Variants in KIAA0825 observed in about 807,000 individuals in gnomAD.
KIAA0825 encodes the protein KIAA0825.
A neutral mutation model predicts 147.6 loss-of-function variants in KIAA0825; 119 were observed. The observed-to-expected ratio is 0.81, with a 90% CI of 0.69 to 0.94. The LOEUF (loss-of-function observed/expected upper bound fraction) is 0.94. KIAA0825 is among the 40% of genes least tolerant of loss of function. The probability of loss-of-function intolerance (pLI) is 0.00; values close to 1 mark genes in which losing one functional copy is unlikely to be tolerated. For synonymous variants in KIAA0825, 470 were observed against 518.1 expected (o/e 0.91, Z 1.26); for missense variants, 1,381 against 1,472.7 (o/e 0.94, Z 1.02).
intron 1 of KIAA0825, among the ~76,000 whole-genome samples, chr5:94,599,481 G>T (rs1785954651): frequency 1.3e-5 from 2 of 151,012 alleles, no homozygotes; most frequent in South Asian, 4.2e-4. Context: ...ATTATACTTG[G>T]ACTCTTTCCT....
intron 6 of KIAA0825, among the ~76,000 whole-genome samples, chr5:94,479,380 T>C (rs984823199): frequency 3.9e-5 from 6 of 152,172 alleles, no homozygotes; most frequent in Admixed American, 3.9e-4. Context: ...TTCTTTCGCT[T>C]AGTGATATGC....
chr5:94,395,205 G>A (rs528808008), intron 17 of KIAA0825, among the ~76,000 whole-genome samples: 6 of 152,156 alleles, frequency 3.9e-5, no homozygotes, highest in African/African-American at 1.4e-4. Context: ...ATTTGTACTC[G>A]CCCATCTGAC....
intron 20 of KIAA0825, among the ~76,000 whole-genome samples, chr5:94,354,784 C>G (rs1346756947): frequency 6.6e-6 from 1 of 152,140 alleles, no homozygotes; most frequent in East Asian, 1.9e-4. Flanking sequence ...AACTGTCTTA[C>G]AGTGTATAAA....
intron 3 of KIAA0825, among the ~76,000 whole-genome samples, chr5:94,534,259 C>A (rs904621148): frequency 6.6e-6 from 1 of 152,106 alleles, no homozygotes; most frequent in Non-Finnish European, 1.5e-5. Context: ...TCATGACATA[C>A]AATTTTCTAA....
At chr5:94,315,487 C>T (rs1260967356) in intron 20 of KIAA0825, among the ~76,000 whole-genome samples, 3 of 151,200 alleles carry the variant, frequency 2.0e-5, no homozygotes, top group African/African-American at 7.3e-5. Flanking sequence ...TAAAAAATGC[C>T]CATAGCCATT....
intron 1 of KIAA0825, among the ~76,000 whole-genome samples, chr5:94,614,170 C>T (rs1192226054): frequency 6.6e-6 from 1 of 152,036 alleles, no homozygotes; most frequent in East Asian, 1.9e-4. Flanking sequence ...CATGGTATAG[C>T]ACATTGAAAA....
chr5:94,455,707 G>A (rs1209273508), intron 12 of KIAA0825, among the ~76,000 whole-genome samples: 1 of 152,102 alleles, frequency 6.6e-6, no homozygotes, highest in Non-Finnish European at 1.5e-5. Context: ...GAGGTGAGTG[G>A]AGAGAAGAAT....
At position 94,484,846 on chromosome 5, in the gene KIAA0825, A is replaced by G. The variant is rs944896452; in HGVS notation, c.1055T>C (p.Phe352Ser). The G allele has an allele frequency of 6.5e-7, 1 of 1,537,472 alleles. No homozygotes were observed. Among genetic ancestry groups the G allele is most frequent in the African/African-American group, 1.4e-5 (1 of 72,832 alleles). Residue 352 changes from phenylalanine to serine, a missense_variant, in exon 6 of 21, where the codon TTT (phenylalanine) becomes TCT (serine). Transcript: ENST00000682413. The stretch of plus-strand genomic sequence containing the variant: ...TTGAACACCTTTTTCCAGTTTCATA[A>G]AGGATTTTATGAGCTGCGATAAGAA... ...VEFLSQLIKS[F>S]MKLEKGVQEL...
intron 20 of KIAA0825, among the ~76,000 whole-genome samples, chr5:94,263,355 C>G (rs779274628): frequency 6.6e-6 from 1 of 152,130 alleles, no homozygotes; most frequent in Non-Finnish European, 1.5e-5. Flanking sequence ...ACCTAGGCCT[C>G]GTTATTTCCT....
intron 20 of KIAA0825, among the ~76,000 whole-genome samples, chr5:94,241,388 C>T (rs1027417234): frequency 7.2e-5 from 11 of 152,176 alleles, no homozygotes; most frequent in Admixed American, 7.2e-4. Context: ...CACATCACGA[C>T]AGGATCAAAG....
chr5:94,509,603 C>T (rs964678717), intron 5 of KIAA0825, among the ~76,000 whole-genome samples: 1 of 152,142 alleles, frequency 6.6e-6, no homozygotes, highest in Non-Finnish European at 1.5e-5. Flanking sequence ...AGACTAACTG[C>T]TTGAACTCAA....
chr5:94,167,159 A>G lies in KIAA0825; in HGVS notation c.3711-13035T>C, dbSNP rs375856589. 5.9e-5 allele frequency among the ~76,000 whole-genome samples: 9 copies of G among 152,230 alleles called. No individual in the cohort carries two copies. The South Asian group carries it at 1.9e-3, about 32-fold the overall frequency. ...TCGGATGAGACCTACCCTCTTTCTG[A>G]TACGTTCTCCGGATGATGAAAATCC... is the stretch of plus-strand genomic sequence containing the variant. On this transcript the variant is annotated intron_variant, in intron 20 of 20. Transcript: ENST00000682413.
At chr5:94,351,921 C>A (rs1422707868) in intron 20 of KIAA0825, among the ~76,000 whole-genome samples, 1 of 152,092 alleles carries the variant, frequency 6.6e-6, no homozygotes, top group Non-Finnish European at 1.5e-5. Flanking sequence ...ATACAAAAAT[C>A]AACTCAAGAT....
intron 1 of KIAA0825, among the ~76,000 whole-genome samples, chr5:94,583,292 A>C (rs1782583978): frequency 6.6e-6 from 1 of 152,196 alleles, no homozygotes; most frequent in East Asian, 1.9e-4. Context: ...GCAATAGTAC[A>C]TTCCTGTCCA....
intron 1 of KIAA0825, among the ~76,000 whole-genome samples, chr5:94,611,400 G>T (rs571936727): frequency 6.6e-6 from 1 of 151,982 alleles, no homozygotes; most frequent in African/African-American, 2.4e-5. Flanking sequence ...AAACCACCAT[G>T]TATCTGAAAC....
At chr5:94,354,168 T>C (rs891611487) in intron 20 of KIAA0825, among the ~76,000 whole-genome samples, 22 of 152,206 alleles carry the variant, frequency 1.4e-4, no homozygotes, top group Admixed American at 1.3e-3. Flanking sequence ...GGCTTGATAC[T>C]TTCCTACCAA....
chr5:94,385,658 G>A (rs983691959), intron 19 of KIAA0825, among the ~76,000 whole-genome samples: 1 of 152,132 alleles, frequency 6.6e-6, no homozygotes, highest in African/African-American at 2.4e-5. Context: ...CGGCTTAGAC[G>A]ATGGCATAAT....
At chr5:94,476,961 A>C (rs1305813846) in intron 7 of KIAA0825, 150 bp downstream of exon 7, 1 of 606,940 alleles carries the variant, frequency 1.6e-6, no homozygotes, top group Admixed American at 3.0e-5. Context: ...TTCTCATCAA[A>C]AACTTATAAG....
chr5:94,377,292 A>G (rs1384758487), intron 20 of KIAA0825, among the ~76,000 whole-genome samples: 2 of 152,248 alleles, frequency 1.3e-5, no homozygotes, highest in East Asian at 3.8e-4. Context: ...TATGCAGTAT[A>G]TTCAGATGGT....
Sources: allele counts gnomAD v4.1 joint callset (sites outside exome capture counted in the v4.1 genomes callset), GRCh38; gene constraint gnomAD v4.1.1; transcripts MANE v1.5; gene names NCBI Gene and HGNC (gene_info 2026-07-23, HGNC 2026-07-21).